GOLGA3: variants seen among roughly 807,000 people sequenced by gnomAD.
GOLGA3 encodes the protein golgin subfamily A member 3.
Under a neutral mutation model 169.4 loss-of-function variants are expected in GOLGA3, and 75 were observed. The ratio of observed to expected loss-of-function variants is 0.44; its 90% confidence interval spans 0.37 to 0.54. GOLGA3 has a LOEUF of 0.54. GOLGA3 is among the 20% of genes least tolerant of loss of function. The pLI is 0.00. For missense variants in GOLGA3, 1,899 were observed against 1,930.0 expected, an observed-to-expected ratio of 0.98 and a Z score of 0.30; for synonymous variants, 824 against 822.4, an observed-to-expected ratio of 1.00 and a Z score of -0.03.
intron 21 of GOLGA3, 139 bp from the exon 22 acceptor site, chr12:132,775,444 T>C (rs2045175410): frequency 1.5e-6 from 1 of 686,224 alleles, no homozygotes; most frequent in African/African-American, 1.8e-5. Context: ...AGGTCCAAAA[T>C]GCTCAGGACC....
At chr12:132,790,091 G>T (rs1048755029) in intron 12 of GOLGA3, among the ~76,000 whole-genome samples, 2 of 152,096 alleles carry the variant, frequency 1.3e-5, no homozygotes, top group African/African-American at 4.8e-5. Context: ...CAGCACTTTG[G>T]GAGGCCAAGG....
intron 1 of GOLGA3, among the ~76,000 whole-genome samples, chr12:132,826,954 G>A (rs1215437182): frequency 1.3e-5 from 2 of 152,108 alleles, no homozygotes; most frequent in East Asian, 1.9e-4. Flanking sequence ...ATGATCACTC[G>A]CACTCCTGCG....
intron 1 of GOLGA3, among the ~76,000 whole-genome samples, chr12:132,824,366 G>A (rs1950331028): frequency 6.6e-6 from 1 of 152,220 alleles, no homozygotes; most frequent in Non-Finnish European, 1.5e-5. Flanking sequence ...CTACAGGCCA[G>A]AGACAGTTAT....
chr12:132,803,982 A>AC (rs1405580843), intron 7 of GOLGA3, among the ~76,000 whole-genome samples: 1 of 152,106 alleles, frequency 6.6e-6, no homozygotes, highest in African/African-American at 2.4e-5. Flanking sequence ...GAGCAGGCCA[A>AC]CCACAGTCTT....
chr12:132,772,746 G>A lies in GOLGA3; in HGVS notation c.*359C>T, dbSNP rs1316833906. 2.6e-5 allele frequency: 5 copies of A among 190,794 alleles called. No individual in the cohort carries two copies. Among genetic ancestry groups the A allele is most frequent in the East Asian group, 1.2e-4 (1 of 8,186 alleles). The allele number at this position is 190,794 out of a possible 1,614,324, so 11.8% of individuals were successfully genotyped here. A position where few individuals can be genotyped will look rare whatever the true frequency, so the allele number is the denominator to read the frequency against. On this transcript the variant is annotated 3_prime_UTR_variant, in exon 24 of 24. Transcript: ENST00000450791. ...AGCCGGCCTGGCCAGGCGCGGTGCC[G>A]CAGACCCTGTCACACAGCTGCTCCC...
intron 4 of GOLGA3, among the ~76,000 whole-genome samples, chr12:132,812,897 C>T (rs556427080): frequency 6.6e-6 from 1 of 152,338 alleles, no homozygotes; most frequent in East Asian, 1.9e-4. Flanking sequence ...TTACGACTTG[C>T]TGAAGGCTCA....
Position 132,796,230 on chromosome 12 carries a change from G to T in GOLGA3, c.2101-10C>A, listed in dbSNP as rs1259031733. 3.2e-6 allele frequency: 5 copies of T among 1,580,386 alleles called. No individual in the cohort carries two copies. The Admixed American group carries it at 8.5e-5, about 27-fold the overall frequency. ...GTAAAGTCAACTTCACCTGGAGAAGGAATGAAGCCCACATGGCTGCGCCTG... is the reference window on the plus strand; with the variant it reads ...GTAAAGTCAACTTCACCTGGAGAAGTAATGAAGCCCACATGGCTGCGCCTG... On this transcript the variant is annotated splice_polypyrimidine_tract_variant and intron_variant, in intron 10 of 23. Coordinates refer to ENST00000450791, the MANE Select transcript of GOLGA3 (RefSeq NM_001389683.1).
chr12:132,773,217 G>A lies in GOLGA3; in HGVS notation c.4385C>T (p.Pro1462Leu), dbSNP rs556090921. ...AGGGCTGGCAGTGGCTGGCTCCAGCGGCGTCCACGAGGACAGAGACTCGTG... is the reference window on the plus strand; with the variant it reads ...AGGGCTGGCAGTGGCTGGCTCCAGCAGCGTCCACGAGGACAGAGACTCGTG... ...TVHESLSSWT[P>L]LEPATASPVP... Residue 1462 changes from proline to leucine, a missense_variant, in exon 24 of 24, where the codon CCG becomes CTG. Transcript: ENST00000450791. 19 of 1,574,764 alleles carry A rather than the reference G, an allele frequency of 1.2e-5. No homozygotes were observed. Among genetic ancestry groups the A allele is most frequent in the South Asian group, 3.4e-5 (3 of 87,250 alleles).
In GOLGA3 at chr12:132,798,384, T is replaced by G. The variant is rs756194229; in HGVS notation, c.1894A>C (p.Met632Leu). Reference sequence around the variant, plus strand: ...GCCGCGATGCGCCCCTTCTCCTTCATGGACCTGTGCTGAGTTTCCGTCAGC... The same window carrying G: ...GCCGCGATGCGCCCCTTCTCCTTCAGGGACCTGTGCTGAGTTTCCGTCAGC... ...QQLTETQHRS[M>L]KEKGRIAAQL... Residue 632 changes from methionine to leucine, a missense_variant, in exon 9 of 24, where the codon ATG becomes CTG. Coordinates refer to ENST00000450791, the MANE Select transcript of GOLGA3 (RefSeq NM_001389683.1). 6.2e-7 allele frequency: 1 copy of G among 1,613,754 alleles called. No individual in the cohort carries two copies. The highest frequency in any genetic ancestry group is 8.5e-7 in the Non-Finnish European group (1 of 1,179,916).
chr12:132,780,050 C>T (rs1216903646), intron 18 of GOLGA3, among the ~76,000 whole-genome samples: 14 of 142,288 alleles, frequency 9.8e-5, no homozygotes, highest in Non-Finnish European at 1.5e-4. Flanking sequence ...CACCCCCCCG[C>T]GCACATACAC....
intron 2 of GOLGA3, among the ~76,000 whole-genome samples, chr12:132,820,729 T>A: frequency 6.6e-6 from 1 of 152,186 alleles, no homozygotes; most frequent in Admixed American, 6.6e-5. Flanking sequence ...CATAACACTG[T>A]GCTCCGTAAT....
intron 4 of GOLGA3, 74 bp from the exon 5 acceptor site, chr12:132,808,623 A>G: frequency 8.4e-7 from 1 of 1,186,536 alleles, no homozygotes; most frequent in East Asian, 2.3e-5. Flanking sequence ...CCATTCAGAA[A>G]GGTGGCACCG....
intron 9 of GOLGA3, among the ~76,000 whole-genome samples, 161 bp from the exon 10 acceptor site, chr12:132,796,861 C>T (rs1459894016): frequency 6.6e-6 from 1 of 152,246 alleles, no homozygotes; most frequent in Admixed American, 6.5e-5. Context: ...GGATGGGCAG[C>T]TTGGCCGCCC....
chr12:132,797,738 GAGGTAAGAAATTGTCC>G (rs1948924366), intron 9 of GOLGA3, among the ~76,000 whole-genome samples: 2 of 152,058 alleles, frequency 1.3e-5, no homozygotes, highest in Admixed American at 1.3e-4. Context: ...GCGGCTCAGA[GAGGTAAGAAATTGTCC>G]AGCGCCCCAC....
At chr12:132,799,885 C>A (rs989034797) in intron 8 of GOLGA3, among the ~76,000 whole-genome samples, 2 of 152,082 alleles carry the variant, frequency 1.3e-5, no homozygotes, top group African/African-American at 4.8e-5. Flanking sequence ...GGACTACAGG[C>A]ACTCACCACC....
chr12:132,797,285 T>C (rs149725490), intron 9 of GOLGA3, among the ~76,000 whole-genome samples: 1 of 152,158 alleles, frequency 6.6e-6, no homozygotes, highest in African/African-American at 2.4e-5. Context: ...GAGAGCTCCC[T>C]GTACAACTGG....
chr12:132,818,009 C>T (rs1403167250), intron 2 of GOLGA3, among the ~76,000 whole-genome samples: 2 of 120,382 alleles, frequency 1.7e-5, no homozygotes, highest in Non-Finnish European at 3.4e-5. Flanking sequence ...TGAACTCACC[C>T]TCCACTCCTC....
Position 132,807,236 on chromosome 12 carries a change from G to C in GOLGA3, c.1231C>G (p.Leu411Val). Residue 411 changes from leucine (L) to valine (V), a missense_variant, in exon 6 of 24, where the codon CTC becomes GTC. Transcript: ENST00000450791. ...AETQEEMLQVLKEKMRLEGQL... is the reference protein window; with the variant it reads ...AETQEEMLQVVKEKMRLEGQL... The stretch of plus-strand genomic sequence containing the variant: ...CCTTCGAGTCGCATTTTCTCTTTGA[G>C]CACCTGCAGCATCTCCTCCTGTGTT... 6.2e-7 allele frequency: 1 copy of C among 1,601,998 alleles called. No individual in the cohort carries two copies. Among genetic ancestry groups the C allele is most frequent in the Non-Finnish European group, 8.5e-7 (1 of 1,173,420 alleles).
intron 3 of GOLGA3, among the ~76,000 whole-genome samples, chr12:132,813,721 CTTTTTT>C (rs10717082): frequency 1.3e-5 from 1 of 78,872 alleles, no homozygotes; most frequent in Non-Finnish European, 2.5e-5. Context: ...CAGCAAGTGC[CTTTTTT>C]TTTTTTTTTT....
Sources: gnomAD v4.1 joint callset for allele counts (sites outside exome capture counted in the v4.1 genomes callset) on GRCh38, gnomAD v4.1.1 for gene constraint, MANE v1.5 for transcripts, NCBI Gene and HGNC (gene_info 2026-07-23, HGNC 2026-07-21) for gene names.